Variants in PMF1 observed in about 807,000 individuals in gnomAD.
PMF1 encodes polyamine modulated factor 1, also known as polyamine-modulated factor 1.
PMF1 carries 21 observed loss-of-function variants against 26.7 expected under a neutral mutation model. The observed-to-expected ratio is 0.79, with a 90% CI of 0.56 to 1.13. PMF1 has a LOEUF of 1.13. Ranked by LOEUF, PMF1 falls within the 50% of genes most tolerant of loss-of-function variation. PMF1 has a pLI of 0.00. For synonymous variants in PMF1, 105 were observed against 101.0 expected, an observed-to-expected ratio of 1.04 and a Z score of -0.24; for missense variants, 266 against 254.9, an observed-to-expected ratio of 1.04 and a Z score of -0.30.
chr1:156,228,570 C>G (rs1158875160), intron 1 of PMF1, among the ~76,000 whole-genome samples: 2 of 152,058 alleles, frequency 1.3e-5, no homozygotes, highest in East Asian at 3.9e-4. Context: ...CAGGTCACAG[C>G]CAGCGCTGGT....
intron 1 of PMF1, among the ~76,000 whole-genome samples, chr1:156,231,448 AT>A (rs1658702721): frequency 6.6e-6 from 1 of 151,512 alleles, no homozygotes; most frequent in Admixed American, 6.6e-5. Flanking sequence ...TACACCTGTA[AT>A]CCTAGCACTT....
rs539011053 is a variant in PMF1, at chr1:156,216,782, G to A, written c.161+3606G>A. Among the ~76,000 whole-genome samples, 157 of 152,108 alleles carry A rather than the reference G, an allele frequency of 1.0e-3. 1 individual carries two copies. Among genetic ancestry groups the A allele is most frequent in the African/African-American group, 3.6e-3 (150 of 41,530 alleles). ...CGTTCTCGTCTCCGCTGGGTTGTCC[G>A]CCGCCCCTTCCCCGGAGTGGGGAGT... On this transcript the variant is annotated intron_variant, in intron 1 of 4. Coordinates refer to ENST00000368277, the MANE Select transcript of PMF1 (RefSeq NM_007221.4).
At chr1:156,236,155 C>T (rs1658997577) in intron 3 of PMF1, 133 bp from the exon 4 acceptor site, 10 of 1,221,168 alleles carry the variant, frequency 8.2e-6, no homozygotes, top group Non-Finnish European at 1.2e-5. Context: ...AGAGGGACCA[C>T]AGGAGAGACC....
intron 1 of PMF1, among the ~76,000 whole-genome samples, chr1:156,217,932 AC>A (rs1241527496): frequency 6.6e-6 from 1 of 152,196 alleles, no homozygotes; most frequent in Non-Finnish European, 1.5e-5. Flanking sequence ...GAGACATGTA[AC>A]TGGGAGAGGG....
Position 156,239,897 on chromosome 1 carries a change from CCTG to C in PMF1, c.*300_*302del, listed in dbSNP as rs1352004614. ...GTCAGCTCTGCCCCTCCGCCCCCCT[CCTG>C]CTGGTTCCCCAGCCCTTTTCCCTGG... On this transcript the variant is annotated 3_prime_UTR_variant, in exon 5 of 5. Coordinates refer to ENST00000368277, the MANE Select transcript of PMF1 (RefSeq NM_007221.4). The C allele has an allele frequency of 2.6e-6, 1 of 380,148 alleles. No homozygotes were observed. Among genetic ancestry groups the C allele is most frequent in the Non-Finnish European group, 4.8e-6 (1 of 210,350 alleles). 23.5% of individuals were successfully genotyped at this position (380,148 alleles called of 1,614,324 possible). A position where few individuals can be genotyped will look rare whatever the true frequency, so the allele number is the denominator to read the frequency against.
chr1:156,227,956 C>T (rs1482484008), intron 1 of PMF1, among the ~76,000 whole-genome samples: 3 of 106,442 alleles, frequency 2.8e-5, no homozygotes, highest in Non-Finnish European at 5.7e-5. Flanking sequence ...TTTTTTGAGA[C>T]GGAGTTTCAT....
In PMF1 at chr1:156,233,616, C is replaced by T; in HGVS notation, c.268-12C>T. The T allele has an allele frequency of 6.2e-7, 1 of 1,613,218 alleles. No individual in the cohort carries two copies. The highest frequency in any genetic ancestry group is 8.5e-7 in the Non-Finnish European group (1 of 1,179,504). On this transcript the variant is annotated splice_polypyrimidine_tract_variant and intron_variant, in intron 2 of 4. Coordinates refer to ENST00000368277, the MANE Select transcript of PMF1 (RefSeq NM_007221.4). ...CTCGTGTCATTACAGCTCTTTCCTC[C>T]TTTCTCTTCAGGAGGAAATCTCTGA...
chr1:156,222,304 C>T (rs1658127415), intron 1 of PMF1, among the ~76,000 whole-genome samples: 1 of 152,218 alleles, frequency 6.6e-6, no homozygotes, highest in African/African-American at 2.4e-5. Context: ...ACATCCTTCT[C>T]CTCATTTGAT....
intron 1 of PMF1, among the ~76,000 whole-genome samples, chr1:156,213,909 A>ATTTATT (rs1013161849): frequency 1.3e-5 from 2 of 151,030 alleles, no homozygotes; most frequent in Non-Finnish European, 3.0e-5. Flanking sequence ...CTTTTATTTT[A>ATTTATT]TTTATTTTTA....
rs370004671 is a variant in PMF1 at position 156,233,737 on chromosome 1, G to C, written c.368+9G>C. On this transcript the variant is annotated intron_variant, in intron 3 of 4. Coordinates refer to ENST00000368277, the MANE Select transcript of PMF1 (RefSeq NM_007221.4). ...CGCAAAGAGCCAGCCTGGTGAGAGT[G>C]GGGTGGGGAGGTGAGAAGGTACAGG... 2 of 1,612,060 alleles carry C rather than the reference G, an allele frequency of 1.2e-6. No homozygotes were observed. The highest frequency in any genetic ancestry group is 2.7e-5 in the African/African-American group (2 of 74,742).
chr1:156,236,536 A>G, intron 4 of PMF1, 53 bp downstream of exon 4: 1 of 1,532,830 alleles, frequency 6.5e-7, no homozygotes, highest in South Asian at 1.2e-5. Context: ...GCCCTCTGAG[A>G]TCCGCAAATT....
chr1:156,213,134 C>T lies in PMF1; in HGVS notation c.119C>T (p.Thr40Ile), dbSNP rs762922221. 6.2e-7 allele frequency: 1 copy of T among 1,614,198 alleles called. No homozygotes were observed. Among genetic ancestry groups the T allele is most frequent in the Non-Finnish European group, 8.5e-7 (1 of 1,180,000 alleles). ...TTISRVKLLD[T>I]MVDTFLQKLV... ...ATTTCGAGGGTGAAGCTCCTCGACA[C>T]CATGGTGGACACTTTTCTTCAGAAG... Residue 40 changes from threonine to isoleucine, a missense_variant, in exon 1 of 5, where the codon ACC becomes ATC. Thr to Ile is a moderately conservative substitution (Grantham distance 89). Coordinates refer to ENST00000368277, the MANE Select transcript of PMF1 (RefSeq NM_007221.4).
At chr1:156,237,955 A>G (rs1659132617) in intron 4 of PMF1, among the ~76,000 whole-genome samples, 1 of 151,754 alleles carries the variant, frequency 6.6e-6, no homozygotes, top group South Asian at 2.1e-4. Context: ...TTTAGTAGAG[A>G]CGGGGTTTCA....
In PMF1 at chr1:156,239,783, C is replaced by T. The variant is rs924331621; in HGVS notation, c.*182C>T. 2 of 585,060 alleles carry T rather than the reference C, an allele frequency of 3.4e-6. No homozygotes were observed. The highest frequency in any genetic ancestry group is 6.1e-6 in the Non-Finnish European group (2 of 325,830). The allele number at this position is 585,060 out of a possible 1,614,324, so 36.2% of individuals were successfully genotyped here. On this transcript the variant is annotated 3_prime_UTR_variant, in exon 5 of 5. Coordinates refer to ENST00000368277, the MANE Select transcript of PMF1 (RefSeq NM_007221.4). ...CACTGCCACTGTGCCTTTGGGGCAC[C>T]CTTGGGGTTGGACATACACCCCCTT...
chr1:156,226,002 G>T (rs1375720011), intron 1 of PMF1, among the ~76,000 whole-genome samples: 1 of 151,974 alleles, frequency 6.6e-6, no homozygotes, highest in Non-Finnish European at 1.5e-5. Flanking sequence ...TTACAGGCAT[G>T]TACCACCACA....
intron 1 of PMF1, among the ~76,000 whole-genome samples, chr1:156,218,714 G>A (rs926177955): frequency 1.1e-4 from 17 of 151,840 alleles, no homozygotes; most frequent in Admixed American, 7.9e-4. Context: ...CCTGGGAGGC[G>A]GAGGTTGCAG....
rs758435866 is a variant in PMF1 at position 156,233,748 on chromosome 1, G to A, written c.368+20G>A. 16 of 1,605,702 alleles carry A rather than the reference G, an allele frequency of 1.0e-5. No individual in the cohort carries two copies. The highest frequency in any genetic ancestry group is 1.3e-5 in the Non-Finnish European group (15 of 1,174,884). ...AGCCTGGTGAGAGTGGGGTGGGGAGGTGAGAAGGTACAGGAAAGAGGCAGC... is the reference window on the plus strand; with the variant it reads ...AGCCTGGTGAGAGTGGGGTGGGGAGATGAGAAGGTACAGGAAAGAGGCAGC... On this transcript the variant is annotated intron_variant, in intron 3 of 4. Transcript: ENST00000368277.
At chr1:156,239,366 G>A (rs986175364) in intron 4 of PMF1, among the ~76,000 whole-genome samples, 182 bp from the exon 5 acceptor site, 2 of 152,174 alleles carry the variant, frequency 1.3e-5, no homozygotes, top group African/African-American at 2.4e-5. Flanking sequence ...AATACTTGCC[G>A]AATGGTGGGG....
Position 156,236,837 on chromosome 1 carries a change from C to G in PMF1, c.564+354C>G, listed in dbSNP as rs1203913052. On this transcript the variant is annotated intron_variant, in intron 4 of 4. Coordinates refer to ENST00000368277, the MANE Select transcript of PMF1 (RefSeq NM_007221.4). ...TTCTACTGCTCCATGTGACCACTGC[C>G]CAACATAGATATATATATTCTAAAC... 5 of 293,138 alleles carry G rather than the reference C, an allele frequency of 1.7e-5. No individual in the cohort carries two copies. In the South Asian group the frequency reaches 4.2e-4, roughly 25 times the overall value. 18.2% of individuals were successfully genotyped at this position (293,138 alleles called of 1,614,324 possible).
Sources: allele counts gnomAD v4.1 joint callset (sites outside exome capture counted in the v4.1 genomes callset), GRCh38; gene constraint gnomAD v4.1.1; transcripts MANE v1.5; gene names NCBI Gene and HGNC (gene_info 2026-07-23, HGNC 2026-07-21).